Variants in DOK6 observed in about 807,000 individuals in gnomAD.
DOK6 encodes downstream of tyrosine kinase 6.
In DOK6, 22 loss-of-function variants were observed where a neutral mutation model predicts 44.0. That is an observed-to-expected ratio of 0.50 (90% CI 0.36 to 0.71). The LOEUF (loss-of-function observed/expected upper bound fraction) is 0.71. Among genes scored for constraint, DOK6 ranks in the 30% least tolerant of loss-of-function variants. The pLI, the probability that DOK6 is intolerant of heterozygous loss-of-function variation, is 0.00. For missense variants in DOK6, 340 were observed against 416.4 expected (o/e 0.82, Z 1.60); for synonymous variants, 166 against 145.5 (o/e 1.14, Z -1.01).
chr18:69,611,736 A>G (rs1984144788), intron 3 of DOK6, among the ~76,000 whole-genome samples: 2 of 152,200 alleles, frequency 1.3e-5, no homozygotes, highest in Admixed American at 6.5e-5. Flanking sequence ...GGTTTTAGAT[A>G]CCATGTGATT....
At chr18:69,655,928 G>T (rs1599245311) in intron 3 of DOK6, among the ~76,000 whole-genome samples, 2 of 151,910 alleles carry the variant, frequency 1.3e-5, no homozygotes, top group East Asian at 3.8e-4. Flanking sequence ...GATTTGCAAT[G>T]AAAGAAACAA....
chr18:69,823,625 TTGTGTGTGTG>T (rs72248499), intron 7 of DOK6, among the ~76,000 whole-genome samples: 20 of 146,868 alleles, frequency 1.4e-4, no homozygotes, highest in East Asian at 6.1e-4. Context: ...GTGTGTGTGT[TTGTGTGTGTG>T]TGTGTGTGTG....
chr18:69,698,515 T>TGATGTG lies in DOK6; in HGVS notation c.521_522insGATGTG (p.Val174_Lys175insMetCys). 1 of 1,614,068 alleles carries TGATGTG rather than the reference T, an allele frequency of 6.2e-7. No homozygotes were observed. Among genetic ancestry groups the TGATGTG allele is most frequent in the Non-Finnish European group, 8.5e-7 (1 of 1,179,954 alleles). ...CTCTGGGATATCCACAATGCCAAGG[T>TGATGTG]CAAACTGGTGATGTGGCCTCTCAGC... On this transcript the variant is annotated inframe_insertion, in exon 5 of 8. Transcript: ENST00000382713.
At chr18:69,408,034 G>T (rs766542538) in intron 1 of DOK6, among the ~76,000 whole-genome samples, 37 of 152,222 alleles carry the variant, frequency 2.4e-4, no homozygotes, top group Non-Finnish European at 3.7e-4. Context: ...CCCCCATTCT[G>T]TACATAAACT....
intron 5 of DOK6, among the ~76,000 whole-genome samples, chr18:69,732,158 A>G (rs1789077946): frequency 6.6e-6 from 1 of 152,120 alleles, no homozygotes; most frequent in Non-Finnish European, 1.5e-5. Flanking sequence ...GATAATTTTC[A>G]TTTGCTTGGG....
chr18:69,729,568 C>T (rs1978339696), intron 5 of DOK6, among the ~76,000 whole-genome samples: 1 of 151,990 alleles, frequency 6.6e-6, no homozygotes, highest in Non-Finnish European at 1.5e-5. Flanking sequence ...TATCTCAATT[C>T]CATTCCCAAA....
intron 3 of DOK6, among the ~76,000 whole-genome samples, chr18:69,638,822 CTTG>C (rs1212155291): frequency 6.6e-6 from 1 of 152,086 alleles, no homozygotes; most frequent in African/African-American, 2.4e-5. Context: ...ATATAATATA[CTTG>C]TTTTTATATA....
At chr18:69,419,784 A>G (rs1033390643) in intron 1 of DOK6, among the ~76,000 whole-genome samples, 2 of 152,316 alleles carry the variant, frequency 1.3e-5, no homozygotes, top group Non-Finnish European at 2.9e-5. Flanking sequence ...CCTTTCTGGC[A>G]CAAAAGAGGG....
chr18:69,682,322 G>A (rs145212872), intron 4 of DOK6, among the ~76,000 whole-genome samples: 1 of 152,328 alleles, frequency 6.6e-6, no homozygotes, highest in Non-Finnish European at 1.5e-5. Flanking sequence ...GTAAAATAAT[G>A]TTGTGTTACC....
chr18:69,613,052 G>A (rs887557656), intron 3 of DOK6, among the ~76,000 whole-genome samples: 2 of 151,816 alleles, frequency 1.3e-5, no homozygotes, highest in Non-Finnish European at 2.9e-5. Flanking sequence ...TGTACTTTTT[G>A]TATAGATGGG....
intron 5 of DOK6, among the ~76,000 whole-genome samples, chr18:69,712,003 C>T (rs12966502): frequency 0.062 from 9,406 of 151,992 alleles, 370 homozygotes; most frequent in African/African-American, 0.11. Flanking sequence ...CCTTTTCGGC[C>T]GGGCGCGGTG....
At chr18:69,605,076 T>TTGTGTGTGTGTGTGTGTGTG (rs71176987) in intron 3 of DOK6, among the ~76,000 whole-genome samples, 5 of 125,858 alleles carry the variant, frequency 4.0e-5, no homozygotes, top group East Asian at 2.3e-4. Flanking sequence ...AGAGATCCCT[T>TTGTGTGTGTGTGTGTGTGTG]TGTGTGTGTG....
intron 5 of DOK6, among the ~76,000 whole-genome samples, chr18:69,724,338 CA>C: frequency 6.6e-6 from 1 of 152,238 alleles, no homozygotes; most frequent in South Asian, 2.1e-4. Context: ...TGCTTAGGAG[CA>C]GACAATCTTT....
chr18:69,411,298 G>A (rs1978305026), intron 1 of DOK6, among the ~76,000 whole-genome samples: 1 of 152,156 alleles, frequency 6.6e-6, no homozygotes, highest in African/African-American at 2.4e-5. Context: ...GGAAGTTACT[G>A]ATGTGTTTTA....
At chr18:69,721,799 C>T (rs1159608786) in intron 5 of DOK6, among the ~76,000 whole-genome samples, 1 of 152,040 alleles carries the variant, frequency 6.6e-6, no homozygotes, top group Non-Finnish European at 1.5e-5. Flanking sequence ...ATTTTTCTTC[C>T]AGTTACAAAA....
chr18:69,732,376 A>G (rs1599293023), intron 5 of DOK6, among the ~76,000 whole-genome samples: 1 of 152,330 alleles, frequency 6.6e-6, no homozygotes, highest in African/African-American at 2.4e-5. Context: ...TATAATAAGG[A>G]TAATGGTAAT....
intron 1 of DOK6, among the ~76,000 whole-genome samples, chr18:69,510,402 T>C (rs1275789301): frequency 6.6e-6 from 1 of 152,220 alleles, no homozygotes; most frequent in Non-Finnish European, 1.5e-5. Context: ...TTTGTAAATA[T>C]GGACTACTGA....
intron 2 of DOK6, among the ~76,000 whole-genome samples, chr18:69,585,919 T>C (rs1983488341): frequency 6.6e-6 from 1 of 152,236 alleles, no homozygotes; most frequent in African/African-American, 2.4e-5. Context: ...ATCATAGCCT[T>C]GTATCTTTTG....
intron 2 of DOK6, among the ~76,000 whole-genome samples, chr18:69,577,448 T>C (rs970156206): frequency 1.3e-5 from 2 of 152,182 alleles, no homozygotes; most frequent in African/African-American, 4.8e-5. Flanking sequence ...CTTCAATCTC[T>C]TATCTGGAAG....
Sources: gnomAD v4.1 joint callset for allele counts (sites outside exome capture counted in the v4.1 genomes callset) on GRCh38, gnomAD v4.1.1 for gene constraint, MANE v1.5 for transcripts, NCBI Gene and HGNC (gene_info 2026-07-23, HGNC 2026-07-21) for gene names.